Variants in CTNNA3 observed in about 807,000 individuals in gnomAD.
CTNNA3 encodes the protein catenin alpha 3, also known as catenin alpha-3.
Under a neutral mutation model 95.7 loss-of-function variants are expected in CTNNA3, and 76 were observed. The ratio of observed to expected loss-of-function variants is 0.79; its 90% CI spans 0.66 to 0.96. The LOEUF is 0.96. CTNNA3 is among the 40% of genes least tolerant of loss of function. The probability of loss-of-function intolerance (pLI) is 0.00; values close to 1 mark genes in which losing one functional copy is unlikely to be tolerated. For synonymous variants in CTNNA3, 431 were observed against 374.4 expected (o/e 1.15, Z -1.74); for missense variants, 1,191 against 1,089.8 (o/e 1.09, Z -1.31).
rs143516017 is a variant in CTNNA3, at chr10:66,533,485, G to T, written c.1375-12712C>A. On this transcript the variant is annotated intron_variant, in intron 10 of 17. Coordinates refer to ENST00000433211, the MANE Select transcript of CTNNA3 (RefSeq NM_013266.4). ...CCAGGTCAGGTTCCATCTAGGGTGA[G>T]TATTGATCTCACTATCTCTTCTCAT... Among the ~76,000 whole-genome samples, 733 of 152,140 alleles carry T rather than the reference G, an allele frequency of 4.8e-3. 6 individuals carry two copies. The highest frequency in any genetic ancestry group is 0.016 in the African/African-American group (679 of 41,508).
At chr10:66,914,877 G>A (rs1470975945) in intron 7 of CTNNA3, among the ~76,000 whole-genome samples, 1 of 152,154 alleles carries the variant, frequency 6.6e-6, no homozygotes, top group Non-Finnish European at 1.5e-5. Flanking sequence ...GCTTGACCCA[G>A]TGGTATCATT....
intron 9 of CTNNA3, among the ~76,000 whole-genome samples, chr10:66,668,419 C>CAT (rs199638135): frequency 0.071 from 8,576 of 120,420 alleles, 535 homozygotes; most frequent in African/African-American, 0.18. Context: ...TCTCAACTCT[C>CAT]ATATGTGTGT....
At chr10:66,073,073 C>T (rs1039964154) in intron 14 of CTNNA3, among the ~76,000 whole-genome samples, 5 of 151,804 alleles carry the variant, frequency 3.3e-5, no homozygotes, top group Non-Finnish European at 7.4e-5. Context: ...AATCTAAAAA[C>T]GGTATCACAA....
chr10:66,607,033 C>T (rs1844147955), intron 10 of CTNNA3, among the ~76,000 whole-genome samples: 1 of 151,868 alleles, frequency 6.6e-6, no homozygotes, highest in East Asian at 1.9e-4. Flanking sequence ...AGACATCTAG[C>T]TAGACTATCA....
intron 9 of CTNNA3, among the ~76,000 whole-genome samples, chr10:66,628,433 G>A (rs115358499): frequency 0.011 from 1,733 of 152,136 alleles, 40 homozygotes; most frequent in African/African-American, 0.039. Flanking sequence ...AAGTCCTTAG[G>A]TTATTAAACT....
chr10:67,304,364 C>T (rs1840452499), intron 5 of CTNNA3, among the ~76,000 whole-genome samples: 1 of 152,132 alleles, frequency 6.6e-6, no homozygotes. Flanking sequence ...GACTGCTTTA[C>T]CACACACATT....
chr10:67,477,260 C>T (rs1848050789), intron 5 of CTNNA3, among the ~76,000 whole-genome samples: 1 of 149,370 alleles, frequency 6.7e-6, no homozygotes, highest in African/African-American at 2.5e-5. Flanking sequence ...ATGCTCACTA[C>T]ATTCTCCCTC....
At chr10:66,166,219 G>T (rs1343662953) in intron 13 of CTNNA3, among the ~76,000 whole-genome samples, 1 of 152,004 alleles carries the variant, frequency 6.6e-6, no homozygotes, top group African/African-American at 2.4e-5. Flanking sequence ...ACTTTGGGAG[G>T]CTGAGGTGGC....
At chr10:66,473,830 A>G (rs371123257) in intron 11 of CTNNA3, among the ~76,000 whole-genome samples, 1 of 151,968 alleles carries the variant, frequency 6.6e-6, no homozygotes, top group African/African-American at 2.4e-5. Flanking sequence ...CCATGTCCCT[A>G]CAAAGGACAT....
chr10:66,394,670 A>G (rs1444387956), intron 11 of CTNNA3, among the ~76,000 whole-genome samples: 1 of 151,976 alleles, frequency 6.6e-6, no homozygotes, highest in African/African-American at 2.4e-5. Flanking sequence ...CAATAAAACC[A>G]TTCAAGTCTT....
intron 7 of CTNNA3, among the ~76,000 whole-genome samples, chr10:67,055,391 T>A (rs557585797): frequency 5.3e-4 from 81 of 152,082 alleles, no homozygotes; most frequent in African/African-American, 1.9e-3. Flanking sequence ...CAGAAAGCAG[T>A]CATGGACAGA....
At chr10:66,798,412 T>C (rs1397941354) in intron 7 of CTNNA3, among the ~76,000 whole-genome samples, 1 of 151,786 alleles carries the variant, frequency 6.6e-6, no homozygotes, top group Non-Finnish European at 1.5e-5. Context: ...AGAAAGATAC[T>C]AGGCAAATTA....
intron 5 of CTNNA3, among the ~76,000 whole-genome samples, chr10:67,374,073 C>A (rs900771120): frequency 6.6e-6 from 1 of 152,094 alleles, no homozygotes; most frequent in African/African-American, 2.4e-5. Context: ...AACTTTCAGA[C>A]CACTGTAGTA....
chr10:65,928,822 T>A (rs1000324456), intron 17 of CTNNA3, among the ~76,000 whole-genome samples: 2 of 152,196 alleles, frequency 1.3e-5, no homozygotes, highest in Non-Finnish European at 2.9e-5. Flanking sequence ...CTGTTGGAAG[T>A]CATGCTTGTC....
At chr10:67,250,980 G>A (rs541999540) in intron 5 of CTNNA3, among the ~76,000 whole-genome samples, 3 of 152,236 alleles carry the variant, frequency 2.0e-5, no homozygotes, top group South Asian at 2.1e-4. Context: ...CCTCTCTTCA[G>A]TATGAAATCA....
At chr10:65,930,742 A>T (rs1025052077) in intron 17 of CTNNA3, among the ~76,000 whole-genome samples, 2 of 152,100 alleles carry the variant, frequency 1.3e-5, no homozygotes, top group African/African-American at 4.8e-5. Flanking sequence ...CATCTTCTCT[A>T]CCTCCATCAC....
Position 66,569,385 on chromosome 10 carries a change from A to G in CTNNA3, c.1375-48612T>C, listed in dbSNP as rs534522661. ...AGTATTGTATTCTTTTATGGACTTT[A>G]TCTAAAATTTACTCAAATATAACAG... On this transcript the variant is annotated intron_variant, in intron 10 of 17. Transcript: ENST00000433211. Among the ~76,000 whole-genome samples, 37 of 152,290 alleles carry G rather than the reference A, an allele frequency of 2.4e-4. 1 individual carries two copies. The highest frequency in any genetic ancestry group is 8.7e-4 in the African/African-American group (36 of 41,550).
At chr10:66,766,113 G>C (rs1349411470) in intron 9 of CTNNA3, 151 bp downstream of exon 9, 2 of 656,394 alleles carry the variant, frequency 3.0e-6, no homozygotes, top group Admixed American at 5.1e-5. Flanking sequence ...TATACAATCG[G>C]ACATATACAC....
chr10:67,361,969 C>G (rs932349070), intron 5 of CTNNA3, among the ~76,000 whole-genome samples: 1 of 151,996 alleles, frequency 6.6e-6, no homozygotes, highest in East Asian at 1.9e-4. Context: ...TACAAAAGAT[C>G]CTCAGAAACT....
Sources: allele counts gnomAD v4.1 joint callset (sites outside exome capture counted in the v4.1 genomes callset), GRCh38; gene constraint gnomAD v4.1.1; transcripts MANE v1.5; gene names NCBI Gene and HGNC (gene_info 2026-07-23, HGNC 2026-07-21).